BTBD9: variants seen among roughly 807,000 people sequenced by gnomAD.
BTBD9 encodes the protein BTB/POZ domain-containing protein 9.
A neutral mutation model predicts 64.3 loss-of-function variants in BTBD9; 49 were observed. That is an observed-to-expected ratio of 0.76 (90% confidence interval 0.61 to 0.97). BTBD9 has a LOEUF of 0.97. Ranked by LOEUF, BTBD9 falls within the 50% of genes least tolerant of loss-of-function variation. The probability of loss-of-function intolerance (pLI) is 0.00; values close to 1 mark genes in which losing one functional copy is unlikely to be tolerated. For missense variants in BTBD9, 598 were observed against 762.1 expected (o/e 0.78, Z 2.53); for synonymous variants, 260 against 274.7 (o/e 0.95, Z 0.53).
chr6:38,229,242 G>T (rs983715163), intron 9 of BTBD9, among the ~76,000 whole-genome samples: 1 of 151,884 alleles, frequency 6.6e-6, no homozygotes, highest in Admixed American at 6.6e-5. Flanking sequence ...TATTAATTAG[G>T]TACTTCATCT....
chr6:38,451,838 G>A (rs1002241484), intron 6 of BTBD9, among the ~76,000 whole-genome samples: 2 of 152,090 alleles, frequency 1.3e-5, no homozygotes, highest in Non-Finnish European at 2.9e-5. Flanking sequence ...CCTTGGGTTT[G>A]CAAAGTTTTA....
At position 38,580,271 on chromosome 6, in the gene BTBD9, A is replaced by G. The variant is rs780525238; in HGVS notation, c.981T>C (p.Gly327=). 8.1e-6 allele frequency: 13 copies of G among 1,614,112 alleles called. No individual in the cohort carries two copies. In the East Asian group the frequency reaches 2.9e-4, roughly 36 times the overall value. ...GTATGTGATTGATAATGGATGGCTG[A>G]CCTAGCTTAATCTCGATGCCGGAAC... ...DCRSGIEIKL[G]QPSIINHIRI... Residue 327 remains glycine (G), a synonymous_variant, in exon 5 of 11, where the codon GGT becomes GGC. Coordinates refer to ENST00000481247, the MANE Select transcript of BTBD9 (RefSeq NM_001099272.2).
Position 38,229,356 on chromosome 6 carries a change from A to G in BTBD9, c.1562+27053T>C, listed in dbSNP as rs577583426. On this transcript the variant is annotated intron_variant, in intron 9 of 10. Coordinates refer to ENST00000481247, the MANE Select transcript of BTBD9 (RefSeq NM_001099272.2). The stretch of plus-strand genomic sequence containing the variant: ...TTGTTAAGTGCAAACCTCTGGGTTA[A>G]CAGAATGTAGGTTCTCACAAGACAG... 3.9e-5 allele frequency among the ~76,000 whole-genome samples: 6 copies of G among 152,334 alleles called. No individual in the cohort carries two copies. The East Asian group carries it at 7.7e-4, about 20-fold the overall frequency.
chr6:38,467,882 C>T (rs1770468698), intron 6 of BTBD9, among the ~76,000 whole-genome samples: 1 of 152,142 alleles, frequency 6.6e-6, no homozygotes, highest in Admixed American at 6.6e-5. Flanking sequence ...AACTTTCTTT[C>T]ATCTTTCCAA....
intron 6 of BTBD9, among the ~76,000 whole-genome samples, chr6:38,428,564 TC>T (rs2127292289): frequency 6.6e-6 from 1 of 151,882 alleles, no homozygotes; most frequent in African/African-American, 2.4e-5. Context: ...ATGACTTGTT[TC>T]TCTTTGTTTT....
chr6:38,332,943 C>T (rs1481531416), intron 7 of BTBD9, among the ~76,000 whole-genome samples: 3 of 152,192 alleles, frequency 2.0e-5, no homozygotes. Flanking sequence ...AGCAGATCTC[C>T]TTGTCATGCT....
At chr6:38,493,791 A>G (rs1029996753) in intron 6 of BTBD9, among the ~76,000 whole-genome samples, 8 of 152,222 alleles carry the variant, frequency 5.3e-5, no homozygotes, top group Non-Finnish European at 1.2e-4. Flanking sequence ...AAAACTCTAC[A>G]GTCTCATCAT....
chr6:38,588,169 G>A (rs1410261820), intron 4 of BTBD9: 2 of 770,688 alleles, frequency 2.6e-6, no homozygotes, highest in East Asian at 2.4e-5. Flanking sequence ...GCCAGAGTCA[G>A]CAGACTGGAC....
rs1766616926 is a variant in BTBD9, at chr6:38,168,615, A to G, written c.*6370T>C. The G allele has an allele frequency of 6.6e-6, 1 of 152,266 alleles. No homozygotes were observed. Among genetic ancestry groups the G allele is most frequent in the Admixed American group, 6.5e-5 (1 of 15,292 alleles). 9.4% of individuals were successfully genotyped at this position (152,266 alleles called of 1,614,324 possible). A position where few individuals can be genotyped will look rare whatever the true frequency, so the allele number is the denominator to read the frequency against. ...ACAAATAATACACATTCCACATAGC[A>G]GCACAGCCTTTTGGGCATCTTTGGA... On this transcript the variant is annotated 3_prime_UTR_variant, in exon 11 of 11. Transcript: ENST00000481247.
rs536473973 is a variant in BTBD9, at chr6:38,527,881, T to C, written c.1154+49719A>G. Among the ~76,000 whole-genome samples, 11 of 151,522 alleles carry C rather than the reference T, an allele frequency of 7.3e-5. 1 individual carries two copies. In the South Asian group the frequency reaches 1.9e-3, roughly 26 times the overall value. On this transcript the variant is annotated intron_variant, in intron 6 of 10. Transcript: ENST00000481247. ...GGCAGAATAAGACAGCCGAACAGAA[T>C]CCTCCGGTGATCATCCCTCCAGCAA...
At chr6:38,483,336 G>A (rs557567364) in intron 6 of BTBD9, among the ~76,000 whole-genome samples, 1 of 151,744 alleles carries the variant, frequency 6.6e-6, no homozygotes, top group South Asian at 2.1e-4. Context: ...TCCTCATACC[G>A]AAAGACTGAC....
intron 9 of BTBD9, among the ~76,000 whole-genome samples, chr6:38,229,180 G>A (rs1234400554): frequency 3.4e-5 from 5 of 145,072 alleles, no homozygotes; most frequent in African/African-American, 1.3e-4. Context: ...CCTGGTGACA[G>A]AGCAAGACTC....
intron 6 of BTBD9, among the ~76,000 whole-genome samples, chr6:38,383,578 T>C (rs1269741091): frequency 6.6e-6 from 1 of 152,166 alleles, no homozygotes; most frequent in Non-Finnish European, 1.5e-5. Context: ...AAAATAGATG[T>C]TACATCTAGA....
intron 1 of BTBD9, among the ~76,000 whole-genome samples, chr6:38,639,590 C>G (rs1019768441): frequency 4.6e-5 from 7 of 152,192 alleles, no homozygotes; most frequent in African/African-American, 1.7e-4. Context: ...ACTACACCTT[C>G]GTGGACTGCG....
intron 4 of BTBD9, 38 bp downstream of exon 4, chr6:38,592,538 A>C: frequency 6.2e-7 from 1 of 1,605,242 alleles, no homozygotes; most frequent in African/African-American, 1.3e-5. Context: ...GAGGCATACC[A>C]AGCTTCTTGG....
intron 7 of BTBD9, among the ~76,000 whole-genome samples, chr6:38,332,777 T>C (rs1763731567): frequency 6.6e-6 from 1 of 152,224 alleles, no homozygotes; most frequent in Non-Finnish European, 1.5e-5. Context: ...AACCAACATC[T>C]TTGCAATATT....
At chr6:38,204,541 G>A (rs896172434) in intron 9 of BTBD9, among the ~76,000 whole-genome samples, 1 of 152,140 alleles carries the variant, frequency 6.6e-6, no homozygotes. Context: ...CTAGGGCTGG[G>A]GAATTAACTG....
At chr6:38,362,215 CAAGAAGCATT>C (rs1462874681) in intron 6 of BTBD9, among the ~76,000 whole-genome samples, 1 of 152,188 alleles carries the variant, frequency 6.6e-6, no homozygotes, top group African/African-American at 2.4e-5. Flanking sequence ...TGATTCACCC[CAAGAAGCATT>C]AATTTCTCCC....
intron 9 of BTBD9, among the ~76,000 whole-genome samples, chr6:38,212,720 G>A (rs1381843879): frequency 6.6e-6 from 1 of 152,128 alleles, no homozygotes; most frequent in Non-Finnish European, 1.5e-5. Context: ...GCTAAACAAA[G>A]TTATTGATTT....
Sources: gnomAD v4.1 joint callset for allele counts (sites outside exome capture counted in the v4.1 genomes callset) on GRCh38, gnomAD v4.1.1 for gene constraint, MANE v1.5 for transcripts, NCBI Gene and HGNC (gene_info 2026-07-23, HGNC 2026-07-21) for gene names.